The following CUX2 variants were observed in gnomAD, a reference collection of about 807,000 sequenced individuals.
CUX2 encodes homeobox protein cut-like 2.
CUX2 carries 40 observed loss-of-function variants against 144.8 expected under a neutral mutation model. The observed-to-expected ratio is 0.28, with a 90% CI of 0.21 to 0.36. The LOEUF (loss-of-function observed/expected upper bound fraction) is 0.36, where lower values mean the gene tolerates loss of function less well. Ranked by LOEUF, CUX2 falls within the 10% of genes least tolerant of loss-of-function variation. CUX2 has a pLI of 1.00. For synonymous variants in CUX2, 827 were observed against 875.6 expected (o/e 0.94, Z 0.98); for missense variants, 1,615 against 1,994.0 (o/e 0.81, Z 3.62).
chr12:111,236,985 CA>C (rs1348112630), intron 3 of CUX2, among the ~76,000 whole-genome samples: 1 of 151,974 alleles, frequency 6.6e-6, no homozygotes, highest in African/African-American at 2.4e-5. Context: ...CTCATCTCTA[CA>C]AAAAATACAA....
Position 111,310,543 on chromosome 12 carries a change from G to T in CUX2, c.1761G>T (p.Ser587=). ...ACGTGCTGGGGCTGTCGCAGGGCTC[G>T]GTCAGCGAGATCCTAGCCCGGCCCA... is the stretch of plus-strand genomic sequence containing the variant. ...GHYVLGLSQG[S]VSEILARPKP... Residue 587 remains serine (S), a synonymous_variant, in exon 15 of 22, where the codon TCG becomes TCT. Coordinates refer to ENST00000261726, the MANE Select transcript of CUX2 (RefSeq NM_015267.4). This position sits in a 1 kb window ranked among gnomAD's most constrained non-coding sequence, Gnocchi z 7.9. 1.2e-6 allele frequency: 2 copies of T among 1,614,054 alleles called. No homozygotes were observed. The highest frequency in any genetic ancestry group is 3.3e-5 in the Admixed American group (2 of 60,032).
intron 3 of CUX2, among the ~76,000 whole-genome samples, chr12:111,230,132 G>A (rs918619698): frequency 1.3e-5 from 2 of 151,410 alleles, no homozygotes; most frequent in Non-Finnish European, 2.9e-5. Flanking sequence ...CTTCAGCCTG[G>A]GTGACAGAGC....
chr12:111,168,835 G>A lies in CUX2; in HGVS notation c.64-45365G>A, dbSNP rs182071930. Among the ~76,000 whole-genome samples, 3 of 152,294 alleles carry A rather than the reference G, an allele frequency of 2.0e-5. No homozygotes were observed. In the East Asian group the frequency reaches 5.8e-4, roughly 29 times the overall value. ...CATGATGGATCAGTGGGAGGAATTT[G>A]GGTCGGGTGCTTGAACTTTTGTGGA... On this transcript the variant is annotated intron_variant, in intron 1 of 21. Coordinates refer to ENST00000261726, the MANE Select transcript of CUX2 (RefSeq NM_015267.4).
chr12:111,169,440 C>T (rs1592797232), intron 1 of CUX2, among the ~76,000 whole-genome samples: 1 of 152,196 alleles, frequency 6.6e-6, no homozygotes, highest in South Asian at 2.1e-4. Flanking sequence ...AACAGAACCC[C>T]CTTTCCCCAC....
At chr12:111,169,580 C>G (rs1210705310) in intron 1 of CUX2, among the ~76,000 whole-genome samples, 2 of 152,174 alleles carry the variant, frequency 1.3e-5, no homozygotes, top group Non-Finnish European at 2.9e-5. Context: ...GGATGGAGGG[C>G]TGGCTCTCTC....
At chr12:111,210,520 A>G (rs1881159654) in intron 1 of CUX2, among the ~76,000 whole-genome samples, 1 of 152,212 alleles carries the variant, frequency 6.6e-6, no homozygotes. Flanking sequence ...AAGGCCAGGC[A>G]CAGTGGCTCA....
chr12:111,300,753 C>A (rs1421574011), intron 9 of CUX2, among the ~76,000 whole-genome samples: 1 of 152,120 alleles, frequency 6.6e-6, no homozygotes, highest in Non-Finnish European at 1.5e-5. Flanking sequence ...TAAGAACAGG[C>A]AAGACTGCAC....
intron 1 of CUX2, among the ~76,000 whole-genome samples, chr12:111,071,726 G>GT (rs1291806006): frequency 1.3e-5 from 2 of 152,194 alleles, no homozygotes; most frequent in African/African-American, 4.8e-5. Flanking sequence ...GAGTTTTATA[G>GT]TTTTGCATTT....
At chr12:111,257,148 G>C (rs1429496563) in intron 3 of CUX2, among the ~76,000 whole-genome samples, 1 of 152,024 alleles carries the variant, frequency 6.6e-6, no homozygotes, top group African/African-American at 2.4e-5. Context: ...AGCTATTCCT[G>C]ACAGTGACCT....
chr12:111,052,231 T>C (rs766778151), intron 1 of CUX2, among the ~76,000 whole-genome samples: 3 of 152,194 alleles, frequency 2.0e-5, no homozygotes, highest in Non-Finnish European at 4.4e-5. Context: ...AGCTGCCTGC[T>C]CCACCTTGTA....
At chr12:111,257,840 T>C (rs1272509936) in intron 3 of CUX2, among the ~76,000 whole-genome samples, 1 of 152,010 alleles carries the variant, frequency 6.6e-6, no homozygotes, top group Admixed American at 6.6e-5. Flanking sequence ...AGGGTGTTCC[T>C]GTCATAGGGC....
Position 111,255,821 on chromosome 12 carries a change from T to A in CUX2, c.223-7940T>A, listed in dbSNP as rs1199680508. 2.0e-5 allele frequency among the ~76,000 whole-genome samples: 3 copies of A among 152,168 alleles called. No homozygotes were observed. Among genetic ancestry groups the A allele is most frequent in the Non-Finnish European group, 4.4e-5 (3 of 68,022 alleles). On this transcript the variant is annotated intron_variant, in intron 3 of 21. Transcript: ENST00000261726. This position sits in a 1 kb window ranked among gnomAD's most constrained non-coding sequence, Gnocchi z 4.1. ...ACAAATCAGCCAATCGAAGTAGCTG[T>A]TACCCCCATTTTCCGGGTGGTAGGA...
At chr12:111,053,457 C>T (rs1379404564) in intron 1 of CUX2, among the ~76,000 whole-genome samples, 1 of 152,228 alleles carries the variant, frequency 6.6e-6, no homozygotes, top group Non-Finnish European at 1.5e-5. Flanking sequence ...ATTTCCCCAG[C>T]AGAGATGGGA....
At chr12:111,071,689 T>G (rs1205320566) in intron 1 of CUX2, among the ~76,000 whole-genome samples, 1 of 151,696 alleles carries the variant, frequency 6.6e-6, no homozygotes, top group African/African-American at 2.4e-5. Flanking sequence ...CCCAAGGTCA[T>G]CCAGATTTTC....
At chr12:111,131,027 A>G (rs1875437714) in intron 1 of CUX2, among the ~76,000 whole-genome samples, 1 of 152,116 alleles carries the variant, frequency 6.6e-6, no homozygotes, top group Non-Finnish European at 1.5e-5. Flanking sequence ...AGTGTAGCAC[A>G]CCTCATGGGT....
At chr12:111,299,777 A>G (rs527367858) in intron 9 of CUX2, among the ~76,000 whole-genome samples, 8 of 152,204 alleles carry the variant, frequency 5.3e-5, no homozygotes, top group Non-Finnish European at 1.5e-5. Flanking sequence ...AGGAAAGTCC[A>G]GCTCTCCTCC....
At chr12:111,100,132 C>A (rs1873119861) in intron 1 of CUX2, 2 of 447,802 alleles carry the variant, frequency 4.5e-6, no homozygotes, top group Non-Finnish European at 9.0e-6. Flanking sequence ...GTGCAAGGAC[C>A]CGCCGAGGGT....
rs1871168068 is a variant in CUX2, at chr12:111,069,535, T to TGTGTGTGTGTGTGTGTGTGCGCGCGCGC, written c.63+35312_63+35313insTGCGCGCGCGCGTGTGTGTGTGTGTGTG. 3.4e-5 allele frequency among the ~76,000 whole-genome samples: 5 copies of TGTGTGTGTGTGTGTGTGTGCGCGCGCGC among 148,686 alleles called. No homozygotes were observed. In the South Asian group the frequency reaches 1.1e-3, roughly 31 times the overall value. ...AAGCCTTGCTCTGTGTGTGTGTGTG[T>TGTGTGTGTGTGTGTGTGTGCGCGCGCGC]GTGTGTGTGTGTGTGTGCGCGCGCG... On this transcript the variant is annotated intron_variant, in intron 1 of 21. Coordinates refer to ENST00000261726, the MANE Select transcript of CUX2 (RefSeq NM_015267.4).
intron 3 of CUX2, among the ~76,000 whole-genome samples, chr12:111,260,428 C>T (rs538146797): frequency 6.6e-6 from 1 of 152,016 alleles, no homozygotes; most frequent in Non-Finnish European, 1.5e-5. Flanking sequence ...CGTGCCACTG[C>T]ACTCCAGCCT....
Sources: allele counts gnomAD v4.1 joint callset (sites outside exome capture counted in the v4.1 genomes callset), GRCh38; gene constraint gnomAD v4.1.1; non-coding constraint Gnocchi (gnomAD v3.1); transcripts MANE v1.5; gene names NCBI Gene and HGNC (gene_info 2026-07-23, HGNC 2026-07-21).